SNTG1: variants seen among roughly 807,000 people sequenced by gnomAD.
The protein encoded by SNTG1 is gamma-1-syntrophin.
Under a neutral mutation model 74.7 loss-of-function variants are expected in SNTG1, and 39 were observed. The ratio of observed to expected loss-of-function variants is 0.52; its 90% CI spans 0.40 to 0.68. The LOEUF is 0.68. Among genes scored for constraint, SNTG1 ranks in the 30% least tolerant of loss-of-function variants. The probability of loss-of-function intolerance (pLI) is 0.00; values close to 1 mark genes in which losing one functional copy is unlikely to be tolerated. For missense variants in SNTG1, 685 were observed against 609.5 expected, an observed-to-expected ratio of 1.12 and a Z score of -1.30; for synonymous variants, 254 against 217.1, an observed-to-expected ratio of 1.17 and a Z score of -1.49.
chr8:50,759,403 G>T (rs954943333), intron 18 of SNTG1, among the ~76,000 whole-genome samples: 4 of 151,936 alleles, frequency 2.6e-5, no homozygotes, highest in Non-Finnish European at 5.9e-5. Flanking sequence ...GTCCTGAATG[G>T]TATTGCCTAG....
chr8:50,410,639 G>A (rs939718851), intron 4 of SNTG1, among the ~76,000 whole-genome samples: 2 of 152,106 alleles, frequency 1.3e-5, no homozygotes, highest in African/African-American at 4.8e-5. Context: ...ATAACTGAAA[G>A]TTTGTACCTT....
intron 1 of SNTG1, among the ~76,000 whole-genome samples, chr8:50,107,342 A>T (rs760351253): frequency 2.0e-5 from 3 of 152,288 alleles, no homozygotes; most frequent in Admixed American, 1.3e-4. Flanking sequence ...AGATATGTAG[A>T]TAGATAGATA....
chr8:50,117,399 A>G (rs1307741679), intron 1 of SNTG1, among the ~76,000 whole-genome samples: 1 of 152,158 alleles, frequency 6.6e-6, no homozygotes, highest in Non-Finnish European at 1.5e-5. Context: ...AAAATAAACA[A>G]GAAAGAATTG....
chr8:50,487,151 C>G (rs1360384333), intron 8 of SNTG1, among the ~76,000 whole-genome samples: 1 of 152,034 alleles, frequency 6.6e-6, no homozygotes, highest in Non-Finnish European at 1.5e-5. Flanking sequence ...CCATCTCACA[C>G]CAGTTAGAAT....
At chr8:50,016,927 G>A (rs1388394258) in intron 1 of SNTG1, among the ~76,000 whole-genome samples, 1 of 152,016 alleles carries the variant, frequency 6.6e-6, no homozygotes, top group Non-Finnish European at 1.5e-5. Context: ...AAGGAAGCTG[G>A]AAAGCAGTGA....
chr8:50,445,808 C>T (rs544746034), intron 5 of SNTG1, among the ~76,000 whole-genome samples: 1 of 152,310 alleles, frequency 6.6e-6, no homozygotes, highest in African/African-American at 2.4e-5. Flanking sequence ...AAAGCCTTGC[C>T]TGGACCTCAG....
chr8:50,660,038 C>G (rs1447377385), intron 15 of SNTG1, among the ~76,000 whole-genome samples: 3 of 152,044 alleles, frequency 2.0e-5, no homozygotes, highest in Admixed American at 1.3e-4. Context: ...CAGGGTTTCC[C>G]CATGTTGCCC....
At chr8:50,079,671 T>C (rs1822222426) in intron 1 of SNTG1, among the ~76,000 whole-genome samples, 1 of 152,206 alleles carries the variant, frequency 6.6e-6, no homozygotes, top group Non-Finnish European at 1.5e-5. Context: ...TGCCTAGGTT[T>C]TCTTCTACAG....
At chr8:50,604,619 A>C (rs2094799309) in intron 13 of SNTG1, among the ~76,000 whole-genome samples, 1 of 152,016 alleles carries the variant, frequency 6.6e-6, no homozygotes, top group South Asian at 2.1e-4. Flanking sequence ...GAATGCTGCC[A>C]GGCCTTGGAG....
chr8:50,260,024 CA>C (rs1178509309), intron 2 of SNTG1, among the ~76,000 whole-genome samples: 3 of 152,020 alleles, frequency 2.0e-5, no homozygotes, highest in Admixed American at 1.3e-4. Context: ...AGGTTTTCAC[CA>C]AAAAGATTGG....
intron 13 of SNTG1, among the ~76,000 whole-genome samples, chr8:50,615,669 C>T (rs555362714): frequency 6.6e-6 from 1 of 152,262 alleles, no homozygotes; most frequent in South Asian, 2.1e-4. Flanking sequence ...AGAAATCACA[C>T]CAGTTATTTA....
intron 9 of SNTG1, among the ~76,000 whole-genome samples, chr8:50,512,319 C>A (rs1162974927): frequency 6.6e-6 from 1 of 151,586 alleles, no homozygotes; most frequent in African/African-American, 2.4e-5. Context: ...TTGTGGGTAA[C>A]CCGACCTTTC....
chr8:50,574,376 T>C (rs1259991535), intron 12 of SNTG1, among the ~76,000 whole-genome samples: 1 of 152,138 alleles, frequency 6.6e-6, no homozygotes, highest in African/African-American at 2.4e-5. Flanking sequence ...GAATTCCGTT[T>C]GCTTATGGTT....
intron 4 of SNTG1, among the ~76,000 whole-genome samples, chr8:50,411,884 T>A (rs1434217635): frequency 6.6e-6 from 1 of 152,118 alleles, no homozygotes; most frequent in African/African-American, 2.4e-5. Flanking sequence ...ACAGTTGTAG[T>A]CAGCCTGTGG....
At chr8:50,652,259 C>G (rs2095151945) in intron 13 of SNTG1, among the ~76,000 whole-genome samples, 1 of 152,090 alleles carries the variant, frequency 6.6e-6, no homozygotes, top group Admixed American at 6.6e-5. Context: ...GGTGTAATCA[C>G]TTCTTGTCAT....
At chr8:50,648,656 A>G (rs1369177813) in intron 13 of SNTG1, among the ~76,000 whole-genome samples, 1 of 152,164 alleles carries the variant, frequency 6.6e-6, no homozygotes, top group Non-Finnish European at 1.5e-5. Context: ...ATTAATACAC[A>G]TTGTATGACA....
chr8:50,742,227 T>C (rs1163773643), intron 17 of SNTG1, among the ~76,000 whole-genome samples: 5 of 152,004 alleles, frequency 3.3e-5, no homozygotes, highest in African/African-American at 1.2e-4. Flanking sequence ...TACACATTTT[T>C]CTGAAGGGCA....
At chr8:49,939,353 T>G (rs887153007) in intron 1 of SNTG1, among the ~76,000 whole-genome samples, 1 of 152,250 alleles carries the variant, frequency 6.6e-6, no homozygotes, top group Admixed American at 6.5e-5. Flanking sequence ...TGTCTATTTA[T>G]AGTCAGTTGC....
chr8:50,531,626 T>A (rs2094268774), intron 10 of SNTG1, among the ~76,000 whole-genome samples: 1 of 152,156 alleles, frequency 6.6e-6, no homozygotes, highest in Non-Finnish European at 1.5e-5. Context: ...AGCTTATCCC[T>A]CTTGTCTGGA....
Sources: allele counts gnomAD v4.1 joint callset (sites outside exome capture counted in the v4.1 genomes callset), GRCh38; gene constraint gnomAD v4.1.1; transcripts MANE v1.5; gene names NCBI Gene and HGNC (gene_info 2026-07-23, HGNC 2026-07-21).